The following CSNK2A1 variants were observed in gnomAD, a reference collection of about 807,000 sequenced individuals.
CSNK2A1 encodes the protein casein kinase 2 alpha 1, also known as casein kinase II subunit alpha.
CSNK2A1 carries 10 observed loss-of-function variants against 62.9 expected under a neutral mutation model. The observed-to-expected ratio is 0.16, with a 90% confidence interval of 0.10 to 0.27. The LOEUF is 0.27. CSNK2A1 is among the 10% of genes least tolerant of loss of function. The probability of loss-of-function intolerance (pLI) is 1.00; values close to 1 mark genes in which losing one functional copy is unlikely to be tolerated. For missense variants in CSNK2A1, 160 were observed against 492.0 expected (o/e 0.33, Z 6.38); for synonymous variants, 124 against 167.8 (o/e 0.74, Z 2.02).
chr20:540,806 T>C (rs2019434729), intron 1 of CSNK2A1: 1 of 152,202 alleles, frequency 6.6e-6, no homozygotes, highest in South Asian at 2.1e-4. Flanking sequence ...TAGCTAAAAA[T>C]AACACAAATT....
intron 4 of CSNK2A1, chr20:501,596 C>A (rs1359796754): frequency 6.6e-6 from 1 of 151,976 alleles, no homozygotes; most frequent in African/African-American, 2.4e-5. Context: ...ATGTATTTTA[C>A]TCTTACAGCA....
At chr20:532,495 GA>G (rs2019234647) in intron 1 of CSNK2A1, among the ~76,000 whole-genome samples, 1 of 151,990 alleles carries the variant, frequency 6.6e-6, no homozygotes, top group Non-Finnish European at 1.5e-5. Context: ...AGTCAAGACA[GA>G]AAATAATATT....
chr20:508,705 G>T, intron 2 of CSNK2A1, 45 bp from the exon 3 acceptor site: 1 of 633,806 alleles, frequency 1.6e-6, no homozygotes, highest in Non-Finnish European at 2.7e-6. Flanking sequence ...ATTTACAGAA[G>T]GTATATGGGA....
chr20:502,525 T>C (rs1420662967), intron 4 of CSNK2A1: 1 of 152,326 alleles, frequency 6.6e-6, no homozygotes, highest in South Asian at 2.1e-4. Context: ...AATGCAACTT[T>C]TGTCTTATTA....
At chr20:528,654 G>A (rs901500544) in intron 1 of CSNK2A1, among the ~76,000 whole-genome samples, 1 of 150,946 alleles carries the variant, frequency 6.6e-6, no homozygotes, top group Non-Finnish European at 1.5e-5. Flanking sequence ...TTGTTCTGAG[G>A]TCTTGTTATG....
intron 4 of CSNK2A1, among the ~76,000 whole-genome samples, chr20:504,004 C>T (rs914095757): frequency 1.3e-5 from 2 of 152,140 alleles, no homozygotes; most frequent in East Asian, 3.9e-4. Flanking sequence ...ATGGTGAAAC[C>T]CCGTCTCTAT....
At chr20:540,400 T>C (rs778901014) in intron 1 of CSNK2A1, among the ~76,000 whole-genome samples, 3 of 152,342 alleles carry the variant, frequency 2.0e-5, no homozygotes, top group Admixed American at 6.5e-5. Flanking sequence ...AACCATAGGA[T>C]ACAATTCTGC....
intron 9 of CSNK2A1, among the ~76,000 whole-genome samples, chr20:491,873 GA>G (rs1175155091): frequency 6.6e-6 from 1 of 151,816 alleles, no homozygotes; most frequent in Non-Finnish European, 1.5e-5. Flanking sequence ...GCAGTGAGCC[GA>G]GATCATGCCA....
chr20:502,118 T>C (rs935198067), intron 4 of CSNK2A1: 1 of 152,218 alleles, frequency 6.6e-6, no homozygotes, highest in African/African-American at 2.4e-5. Flanking sequence ...GTTAGTGATT[T>C]ACATACCACA....
At chr20:504,912 G>T in intron 4 of CSNK2A1, 1 of 522,524 alleles carries the variant, frequency 1.9e-6, no homozygotes. Flanking sequence ...CTAGCTATAT[G>T]AGTCAACTCA....
At position 543,679 on chromosome 20, in the gene CSNK2A1, G is replaced by A. The variant is rs2122155188; in HGVS notation, c.-234C>T. 3 of 398,270 alleles carry A rather than the reference G, an allele frequency of 7.5e-6. No individual in the cohort carries two copies. The highest frequency in any genetic ancestry group is 1.3e-4 in the South Asian group (1 of 7,544). The allele number at this position is 398,270 out of a possible 1,614,324, so 24.7% of individuals were successfully genotyped here. A position where few individuals can be genotyped will look rare whatever the true frequency, so the allele number is the denominator to read the frequency against. Reference sequence around the variant, plus strand: ...TGGCTGCTCCCTAGGTACCTGTGGTGGAAGCGGCAGCGGCGGCGGCCGCTC... The same window carrying A: ...TGGCTGCTCCCTAGGTACCTGTGGTAGAAGCGGCAGCGGCGGCGGCCGCTC... On this transcript the variant is annotated 5_prime_UTR_variant, in exon 1 of 14. Transcript: ENST00000217244.
intron 1 of CSNK2A1, among the ~76,000 whole-genome samples, chr20:528,331 A>C (rs2019140843): frequency 6.6e-6 from 1 of 152,184 alleles, no homozygotes; most frequent in African/African-American, 2.4e-5. Flanking sequence ...GTTGTCCTAA[A>C]ACTGACAAAA....
At chr20:501,913 T>C (rs2018480158) in intron 4 of CSNK2A1, 1 of 152,182 alleles carries the variant, frequency 6.6e-6, no homozygotes, top group African/African-American at 2.4e-5. Context: ...CTTTCCAGGC[T>C]GATGATCCAG....
At chr20:524,723 A>T (rs2019039347) in intron 2 of CSNK2A1, among the ~76,000 whole-genome samples, 1 of 151,498 alleles carries the variant, frequency 6.6e-6, no homozygotes, top group Non-Finnish European at 1.5e-5. Flanking sequence ...AAAAAAAAAA[A>T]AAAAAAAGAG....
Position 482,105 on chromosome 20 carries a change from T to C in CSNK2A1, c.*1856A>G, listed in dbSNP as rs1361882238. ...CTTGATAAAGTTACTAAAGCCAAGA[T>C]GGGTTACAAAGTTAGATAAGTTCAT... On this transcript the variant is annotated 3_prime_UTR_variant, in exon 14 of 14. Coordinates refer to ENST00000217244, the MANE Select transcript of CSNK2A1 (RefSeq NM_177559.3). 2.0e-5 allele frequency: 3 copies of C among 152,180 alleles called. No individual in the cohort carries two copies. The highest frequency in any genetic ancestry group is 4.4e-5 in the Non-Finnish European group (3 of 68,038). The allele number at this position is 152,180 out of a possible 1,614,324, so 9.4% of individuals were successfully genotyped here.
chr20:525,196 C>T (rs1306265524), intron 2 of CSNK2A1, among the ~76,000 whole-genome samples: 2 of 152,022 alleles, frequency 1.3e-5, no homozygotes, highest in African/African-American at 4.8e-5. Context: ...ACGTGGGATA[C>T]AATTAAAGCA....
chr20:489,016 A>C, intron 10 of CSNK2A1: 1 of 359,784 alleles, frequency 2.8e-6, no homozygotes, highest in Non-Finnish European at 5.1e-6. Context: ...TCCCCTCAAA[A>C]CCCAATTGAA....
intron 6 of CSNK2A1, chr20:498,981 C>T (rs1403753914): frequency 1.3e-5 from 3 of 233,276 alleles, no homozygotes; most frequent in Non-Finnish European, 2.5e-5. Context: ...GTGTTACTGC[C>T]TTCATTAGGT....
chr20:535,886 A>C (rs1318404858), intron 1 of CSNK2A1, among the ~76,000 whole-genome samples: 1 of 152,222 alleles, frequency 6.6e-6, no homozygotes, highest in East Asian at 1.9e-4. Flanking sequence ...ATGTTAATGC[A>C]GGGAGCTGGC....
Sources: allele counts gnomAD v4.1 joint callset (sites outside exome capture counted in the v4.1 genomes callset), GRCh38; gene constraint gnomAD v4.1.1; transcripts MANE v1.5; gene names NCBI Gene and HGNC (gene_info 2026-07-23, HGNC 2026-07-21).